The following ACSL5 variants were observed in gnomAD, a reference collection of about 807,000 sequenced individuals.
The protein encoded by ACSL5 is long-chain-fatty-acid--CoA ligase 5.
Under a neutral mutation model 84.9 loss-of-function variants are expected in ACSL5, and 50 were observed. The ratio of observed to expected loss-of-function variants is 0.59; its 90% CI spans 0.47 to 0.75. ACSL5 has a LOEUF of 0.75. Ranked by LOEUF, ACSL5 falls within the 30% of genes least tolerant of loss-of-function variation. The pLI is 0.00. For synonymous variants in ACSL5, 280 were observed against 300.7 expected, an observed-to-expected ratio of 0.93 and a Z score of 0.71; for missense variants, 775 against 830.4, an observed-to-expected ratio of 0.93 and a Z score of 0.82.
intron 19 of ACSL5, 146 bp downstream of exon 19, chr10:112,426,505 T>C: frequency 3.1e-6 from 2 of 655,734 alleles, no homozygotes; most frequent in Non-Finnish European, 2.6e-6. Flanking sequence ...GGATGGAGAG[T>C]TTAAAAAATA....
intron 5 of ACSL5, among the ~76,000 whole-genome samples, chr10:112,407,317 G>A (rs1426010007): frequency 3.3e-5 from 5 of 152,030 alleles, no homozygotes; most frequent in East Asian, 1.9e-4. Flanking sequence ...TCCACCTCCC[G>A]GGTTCAAGCA....
rs565301196 is a variant in ACSL5 at position 112,388,260 on chromosome 10, C to A, written c.-29-6658C>A. On this transcript the variant is annotated intron_variant, in intron 1 of 20. Transcript: ENST00000354655. ...TAGTCCAGTATGATTTATTTCTTGG[C>A]TGGACTTTCTACCTACTTATCCCAT... Among the ~76,000 whole-genome samples the A allele has an allele frequency of 1.6e-4, 25 of 152,280 alleles. No homozygotes were observed. The South Asian group carries it at 5.2e-3, about 32-fold the overall frequency.
intron 13 of ACSL5, among the ~76,000 whole-genome samples, chr10:112,417,555 T>C (rs1214190311): frequency 6.6e-6 from 1 of 152,062 alleles, no homozygotes; most frequent in African/African-American, 2.4e-5. Flanking sequence ...CTTATTTTCT[T>C]TGGTGGTCTG....
intron 17 of ACSL5, 108 bp from the exon 18 acceptor site, chr10:112,425,230 T>C: frequency 1.9e-6 from 2 of 1,033,180 alleles, no homozygotes; most frequent in Non-Finnish European, 1.4e-6. Flanking sequence ...CAAAAGTCTC[T>C]GGAGAAATCA....
intron 3 of ACSL5, among the ~76,000 whole-genome samples, chr10:112,401,846 TCC>T (rs1274467876): frequency 5.0e-4 from 43 of 86,308 alleles, no homozygotes; most frequent in African/African-American, 1.3e-3. Flanking sequence ...CTTTCTTCCT[TCC>T]TTCCTTCCTT....
At chr10:112,392,665 C>T (rs570710509) in intron 1 of ACSL5, among the ~76,000 whole-genome samples, 1 of 150,478 alleles carries the variant, frequency 6.6e-6, no homozygotes, top group African/African-American at 2.4e-5. Flanking sequence ...GGCGTGAACC[C>T]GGGAGGTGGA....
chr10:112,384,940 T>A (rs1176906829), intron 1 of ACSL5, among the ~76,000 whole-genome samples: 1 of 152,188 alleles, frequency 6.6e-6, no homozygotes, highest in African/African-American at 2.4e-5. Context: ...TGGCAGTACA[T>A]CATGAGCTCT....
chr10:112,375,194 G>A (rs1421972682), intron 1 of ACSL5: 3 of 152,212 alleles, frequency 2.0e-5, no homozygotes. Context: ...TCCTCTAGAG[G>A]AAGTTGCCTC....
At chr10:112,394,601 C>CA (rs751261063) in intron 1 of ACSL5, 4 of 416,668 alleles carry the variant, frequency 9.6e-6, no homozygotes, top group Non-Finnish European at 1.3e-5. Flanking sequence ...AGGCTTTGTG[C>CA]ACCAACATTA....
chr10:112,411,980 GTGAGTGTTC>G lies in ACSL5; in HGVS notation c.948+4_948+12del. 6.2e-7 allele frequency: 1 copy of G among 1,611,156 alleles called. No individual in the cohort carries two copies. Among genetic ancestry groups the G allele is most frequent in the Middle Eastern group, 1.7e-4 (1 of 6,060 alleles). On this transcript the variant is annotated splice_donor_variant and splice_donor_5th_base_variant and intron_variant, in intron 11 of 20. Coordinates refer to ENST00000354655, the MANE Select transcript of ACSL5 (RefSeq NM_203379.2). LOFTEE classifies it high-confidence loss of function. ...TCATATGTTTGAGAGGATTGTACAG[GTGAGTGTTC>G]TGTGTTCCTAGCAGTATGTGGCAAG... is the stretch of plus-strand genomic sequence containing the variant.
At chr10:112,379,740 T>C (rs1307705038) in intron 1 of ACSL5, among the ~76,000 whole-genome samples, 3 of 152,148 alleles carry the variant, frequency 2.0e-5, no homozygotes, top group Non-Finnish European at 2.9e-5. Flanking sequence ...GCTACACATG[T>C]AGTAAGTGAG....
chr10:112,386,459 G>T (rs12218402), intron 1 of ACSL5, among the ~76,000 whole-genome samples: 74,055 of 151,780 alleles, frequency 0.49, 18,168 homozygotes, highest in South Asian at 0.58. Flanking sequence ...CTTCCAAAGT[G>T]CTGGGATTAC....
At chr10:112,386,640 T>C (rs764762133) in intron 1 of ACSL5, among the ~76,000 whole-genome samples, 2 of 152,246 alleles carry the variant, frequency 1.3e-5, no homozygotes, top group African/African-American at 2.4e-5. Flanking sequence ...ATTAGCATTT[T>C]AGTTCCTAAG....
intron 15 of ACSL5, 44 bp downstream of exon 15, chr10:112,421,709 A>G: frequency 3.2e-6 from 5 of 1,565,172 alleles, no homozygotes; most frequent in Non-Finnish European, 4.4e-6. Flanking sequence ...TGGTTGGGAG[A>G]AAGGTTCTAA....
intron 1 of ACSL5, among the ~76,000 whole-genome samples, chr10:112,379,825 G>A (rs566953453): frequency 1.3e-5 from 2 of 152,340 alleles, no homozygotes; most frequent in South Asian, 4.1e-4. Context: ...TGACAAGAAA[G>A]CTTGTTGCCT....
chr10:112,426,973 C>A, intron 20 of ACSL5, 114 bp downstream of exon 20: 1 of 1,023,320 alleles, frequency 9.8e-7, no homozygotes, highest in East Asian at 2.5e-5. Flanking sequence ...AGATTTTGTG[C>A]CATTAACTAC....
intron 1 of ACSL5, among the ~76,000 whole-genome samples, chr10:112,388,277 T>G (rs1410642470): frequency 1.3e-5 from 2 of 152,200 alleles, no homozygotes; most frequent in African/African-American, 4.8e-5. Context: ...TTCTACCTAC[T>G]TATCCCATGT....
At chr10:112,395,174 A>C (rs1261197803) in intron 2 of ACSL5, 72 bp downstream of exon 2, 15 of 1,450,858 alleles carry the variant, frequency 1.0e-5, no homozygotes, top group Non-Finnish European at 1.4e-5. Flanking sequence ...ACCTAGGGAT[A>C]GCTCATGAAG....
intron 3 of ACSL5, among the ~76,000 whole-genome samples, chr10:112,401,772 CTTTT>C (rs1333151831): frequency 7.3e-5 from 11 of 151,678 alleles, no homozygotes; most frequent in African/African-American, 2.7e-4. Context: ...TTCTTTCTTT[CTTTT>C]TCTTTCTTTC....
Sources: allele counts gnomAD v4.1 joint callset (sites outside exome capture counted in the v4.1 genomes callset), GRCh38; gene constraint gnomAD v4.1.1; transcripts MANE v1.5; gene names NCBI Gene and HGNC (gene_info 2026-07-23, HGNC 2026-07-21).